The following POLA1 variants were observed in gnomAD, a reference collection of about 807,000 sequenced individuals.
POLA1 encodes the protein DNA polymerase alpha 1, catalytic subunit.
Under a neutral mutation model 124.0 loss-of-function variants are expected in POLA1, and 15 were observed. The observed-to-expected ratio is 0.12, with a 90% CI of 0.08 to 0.19. The LOEUF (loss-of-function observed/expected upper bound fraction) is 0.19. POLA1 is among the 10% of genes least tolerant of loss of function. The pLI is 1.00. For synonymous variants in POLA1, 408 were observed against 389.4 expected, an observed-to-expected ratio of 1.05 and a Z score of -0.56; for missense variants, 886 against 1,103.4, an observed-to-expected ratio of 0.80 and a Z score of 2.79.
At chrX:24,828,102 A>G (rs1318643394) in intron 32 of POLA1, among the ~76,000 whole-genome samples, 2 of 112,751 alleles carry the variant, frequency 1.8e-5, no homozygotes, top group Admixed American at 9.4e-5. Context: ...CAAAATTATC[A>G]TATGTATTCT....
At chrX:24,711,037 C>G in intron 4 of POLA1, among the ~76,000 whole-genome samples, 1 of 111,499 alleles carries the variant, frequency 9.0e-6, no homozygotes, top group East Asian at 2.8e-4. Flanking sequence ...GGATGGAGTG[C>G]AGTGGTGCGA....
chrX:24,734,636 A>T (rs886462297), intron 17 of POLA1, among the ~76,000 whole-genome samples: 3 of 111,110 alleles, frequency 2.7e-5, no homozygotes, highest in African/African-American at 9.8e-5. Context: ...TTTTTTTTTG[A>T]GACGGAGTCC....
rs755025434 is a variant in POLA1 at position 24,714,551 on chromosome X, T to A, written c.347-3T>A. 1.7e-5 allele frequency: 19 copies of A among 1,125,804 alleles called. No homozygotes were observed. The highest frequency in any genetic ancestry group is 2.3e-5 in the Non-Finnish European group (19 of 830,186). The allele number at this position is 1,125,804 out of a possible 1,213,427, so 92.8% of individuals were successfully genotyped here. ...TGTTTCTAAATAATTCATATTCCAA[T>A]AGGAAAAGATGGTAAAGCACGCAAT... On this transcript the variant is annotated splice_region_variant and splice_polypyrimidine_tract_variant and intron_variant, in intron 4 of 36. Coordinates refer to ENST00000379068, the MANE Select transcript of POLA1 (RefSeq NM_001330360.2).
At chrX:24,710,047 C>T (rs1012375799) in intron 4 of POLA1, among the ~76,000 whole-genome samples, 1 of 104,505 alleles carries the variant, frequency 9.6e-6, no homozygotes, top group African/African-American at 3.5e-5. Flanking sequence ...GCGGCTGCTC[C>T]TTGCCCTCGG....
At chrX:24,835,541 A>G in intron 32 of POLA1, among the ~76,000 whole-genome samples, 2 of 110,204 alleles carry the variant, frequency 1.8e-5, no homozygotes, top group Admixed American at 1.9e-4. Context: ...GTCAGGGTCA[A>G]CTTGGTAGTT....
chrX:24,968,847 T>C lies in POLA1; in HGVS notation c.4262-26958T>C, dbSNP rs1253560972. On this transcript the variant is annotated intron_variant, in intron 36 of 36. Transcript: ENST00000379068. ...CCCCTCTATTCAATTGCATTAAACA[T>C]GTATTAAACATCTTCTCTATGTCAT... Among the ~76,000 whole-genome samples the C allele has an allele frequency of 3.6e-5, 4 of 111,702 alleles. No individual in the cohort carries two copies. The East Asian group carries it at 1.1e-3, about 31-fold the overall frequency.
At chrX:24,744,768 T>C (rs755442437) in intron 23 of POLA1, among the ~76,000 whole-genome samples, 4 of 108,584 alleles carry the variant, frequency 3.7e-5, no homozygotes, top group Non-Finnish European at 5.7e-5. Flanking sequence ...CTGGCCAACA[T>C]GGTGAAGCCC....
At chrX:24,969,432 A>C (rs1321522479) in intron 36 of POLA1, among the ~76,000 whole-genome samples, 3 of 110,713 alleles carry the variant, frequency 2.7e-5, no homozygotes, top group Non-Finnish European at 5.7e-5. Flanking sequence ...CCCTGCAGGG[A>C]AAAGGTAAAC....
chrX:24,852,149 T>C (rs1440397524), intron 34 of POLA1, among the ~76,000 whole-genome samples: 1 of 111,281 alleles, frequency 9.0e-6, no homozygotes, highest in Non-Finnish European at 1.9e-5. Flanking sequence ...TGTTTAGGAG[T>C]GGGTTAATTC....
At chrX:24,837,536 A>G (rs1003690054) in intron 32 of POLA1, among the ~76,000 whole-genome samples, 1 of 112,029 alleles carries the variant, frequency 8.9e-6, no homozygotes, top group African/African-American at 3.2e-5. Flanking sequence ...ATTTTTGGCT[A>G]TTATGAATAA....
intron 10 of POLA1, among the ~76,000 whole-genome samples, chrX:24,721,993 C>T (rs1041986385): frequency 2.7e-5 from 3 of 110,704 alleles, no homozygotes; most frequent in African/African-American, 6.6e-5. Flanking sequence ...ATCCACCCTC[C>T]GTTACCCCCT....
At chrX:24,770,164 T>G (rs1037424390) in intron 26 of POLA1, among the ~76,000 whole-genome samples, 3 of 111,623 alleles carry the variant, frequency 2.7e-5, no homozygotes, top group East Asian at 2.8e-4. Flanking sequence ...TAGGACCAAA[T>G]TCAGTTCAGT....
chrX:24,780,530 C>T (rs2148451589), intron 26 of POLA1, among the ~76,000 whole-genome samples: 1 of 111,624 alleles, frequency 9.0e-6, no homozygotes, highest in African/African-American at 3.3e-5. Context: ...TTTCAAATGC[C>T]TTTTCTATGT....
At chrX:24,817,002 T>C (rs1326443490) in intron 30 of POLA1, among the ~76,000 whole-genome samples, 1 of 112,138 alleles carries the variant, frequency 8.9e-6, no homozygotes, top group Admixed American at 9.4e-5. Flanking sequence ...TCAATAATTA[T>C]CAACTTATAG....
At chrX:24,859,057 GTGT>G (rs928144068) in intron 34 of POLA1, among the ~76,000 whole-genome samples, 6 of 111,198 alleles carry the variant, frequency 5.4e-5, no homozygotes, top group Admixed American at 9.5e-5. Context: ...GGATATCGTG[GTGT>G]TGTATTATAT....
At chrX:24,775,619 TCTC>T (rs1264190568) in intron 26 of POLA1, among the ~76,000 whole-genome samples, 1 of 111,554 alleles carries the variant, frequency 9.0e-6, no homozygotes, top group African/African-American at 3.3e-5. Context: ...AGCCTTTGCT[TCTC>T]CTTTTAGTCT....
intron 26 of POLA1, among the ~76,000 whole-genome samples, chrX:24,784,417 A>G (rs1427397794): frequency 9.0e-6 from 1 of 111,341 alleles, no homozygotes; most frequent in African/African-American, 3.3e-5. Flanking sequence ...TTTTACATAT[A>G]CTTTTTAAAA....
At chrX:24,961,272 C>T (rs2048165221) in intron 36 of POLA1, among the ~76,000 whole-genome samples, 1 of 111,607 alleles carries the variant, frequency 9.0e-6, no homozygotes, top group African/African-American at 3.3e-5. Flanking sequence ...TGGTGTCTAG[C>T]GCTCTCCTGC....
chrX:24,791,027 A>AG (rs2148467788), intron 26 of POLA1, among the ~76,000 whole-genome samples: 1 of 108,329 alleles, frequency 9.2e-6, no homozygotes, highest in African/African-American at 3.4e-5. Flanking sequence ...TTTCAGCAAA[A>AG]GCAGGCAATA....
Sources: gnomAD v4.1 joint callset for allele counts (sites outside exome capture counted in the v4.1 genomes callset) on GRCh38, gnomAD v4.1.1 for gene constraint, MANE v1.5 for transcripts, NCBI Gene and HGNC (gene_info 2026-07-23, HGNC 2026-07-21) for gene names.